ITFG1: variants seen among roughly 807,000 people sequenced by gnomAD.
ITFG1 encodes integrin alpha FG-GAP repeat containing 1.
Under a neutral mutation model 81.8 loss-of-function variants are expected in ITFG1, and 34 were observed. That is an observed-to-expected ratio of 0.42 (90% confidence interval 0.32 to 0.55). ITFG1 has a LOEUF of 0.55. Among genes scored for constraint, ITFG1 ranks in the 20% least tolerant of loss-of-function variants. The pLI is 0.17. For missense variants in ITFG1, 672 were observed against 755.4 expected, an observed-to-expected ratio of 0.89 and a Z score of 1.29; for synonymous variants, 285 against 270.6, an observed-to-expected ratio of 1.05 and a Z score of -0.52.
At chr16:47,292,447 T>C (rs896688389) in intron 10 of ITFG1, among the ~76,000 whole-genome samples, 1 of 152,224 alleles carries the variant, frequency 6.6e-6, no homozygotes, top group African/African-American at 2.4e-5. Flanking sequence ...ATTGTGCCAG[T>C]TGGGAATAGT....
At chr16:47,184,575 T>C (rs896885581) in intron 14 of ITFG1, among the ~76,000 whole-genome samples, 1 of 151,830 alleles carries the variant, frequency 6.6e-6, no homozygotes, top group Non-Finnish European at 1.5e-5. Flanking sequence ...GACAAGCAAA[T>C]GCTGAGAGAT....
intron 14 of ITFG1, among the ~76,000 whole-genome samples, chr16:47,178,312 G>C (rs1029107381): frequency 6.6e-6 from 1 of 152,134 alleles, no homozygotes; most frequent in South Asian, 2.1e-4. Context: ...TGGATTTTGT[G>C]ACAAAATTAT....
chr16:47,244,058 TCAGA>T (rs779478680), intron 12 of ITFG1, among the ~76,000 whole-genome samples: 56 of 152,280 alleles, frequency 3.7e-4, no homozygotes, highest in Non-Finnish European at 6.9e-4. Context: ...TGGATGAATC[TCAGA>T]CATAGTGTTG....
chr16:47,352,968 C>A (rs1967985544), intron 8 of ITFG1, among the ~76,000 whole-genome samples: 1 of 151,414 alleles, frequency 6.6e-6, no homozygotes, highest in Non-Finnish European at 1.5e-5. Context: ...GACAAAAAAC[C>A]AAACACCACA....
Position 47,177,714 on chromosome 16 carries a change from T to C in ITFG1, c.1454-15050A>G, listed in dbSNP as rs1172929183. Among the ~76,000 whole-genome samples the C allele has an allele frequency of 2.6e-5, 4 of 152,340 alleles. No homozygotes were observed. The East Asian group carries it at 7.7e-4, about 29-fold the overall frequency. On this transcript the variant is annotated intron_variant, in intron 14 of 17. Coordinates refer to ENST00000320640, the MANE Select transcript of ITFG1 (RefSeq NM_030790.5). ...TCTGGATAACAGAAGATCATGGTTG[T>C]TATACTAATTTCCAGTAAAATCCCA...
intron 6 of ITFG1, among the ~76,000 whole-genome samples, chr16:47,398,851 C>T (rs138231508): frequency 2.3e-4 from 35 of 152,310 alleles, no homozygotes; most frequent in African/African-American, 8.4e-4. Flanking sequence ...TTTGGGAAGG[C>T]TTATTCACCA....
intron 8 of ITFG1, among the ~76,000 whole-genome samples, chr16:47,314,529 T>A (rs1050312803): frequency 3.3e-5 from 5 of 152,168 alleles, no homozygotes; most frequent in African/African-American, 1.2e-4. Context: ...AAGTGACTGT[T>A]TTTTACAAAG....
At chr16:47,338,244 T>C (rs1182654999) in intron 8 of ITFG1, among the ~76,000 whole-genome samples, 1 of 152,228 alleles carries the variant, frequency 6.6e-6, no homozygotes, top group South Asian at 2.1e-4. Flanking sequence ...ACCCTGTCTC[T>C]AGTAAACATA....
At chr16:47,176,927 G>A (rs1965033520) in intron 14 of ITFG1, among the ~76,000 whole-genome samples, 1 of 151,196 alleles carries the variant, frequency 6.6e-6, no homozygotes, top group East Asian at 1.9e-4. Flanking sequence ...GCATTGCTAA[G>A]AGGGTTTCTC....
chr16:47,372,193 G>A (rs987620628), intron 7 of ITFG1, among the ~76,000 whole-genome samples: 13 of 152,024 alleles, frequency 8.6e-5, no homozygotes, highest in African/African-American at 2.7e-4. Context: ...CTTGAGTTCT[G>A]TTCCTACATT....
intron 14 of ITFG1, among the ~76,000 whole-genome samples, chr16:47,199,801 G>A (rs541716256): frequency 5.3e-5 from 8 of 152,244 alleles, no homozygotes; most frequent in Non-Finnish European, 1.0e-4. Flanking sequence ...ATGTAGAATC[G>A]TGGGAGCCCT....
At chr16:47,206,670 A>T (rs189386453) in intron 14 of ITFG1, among the ~76,000 whole-genome samples, 1 of 152,314 alleles carries the variant, frequency 6.6e-6, no homozygotes, top group Admixed American at 6.5e-5. Flanking sequence ...GCAGGTATTC[A>T]AGGTTCTTCC....
intron 14 of ITFG1, among the ~76,000 whole-genome samples, chr16:47,187,914 A>T (rs1965242443): frequency 2.0e-5 from 3 of 151,980 alleles, no homozygotes; most frequent in African/African-American, 7.2e-5. Context: ...ACAAATTTAC[A>T]AGAAAAAAAC....
At chr16:47,226,842 C>A (rs961897843) in intron 13 of ITFG1, among the ~76,000 whole-genome samples, 3 of 151,946 alleles carry the variant, frequency 2.0e-5, no homozygotes, top group African/African-American at 7.3e-5. Flanking sequence ...CAATGCCTCT[C>A]TTTCCCTAAT....
intron 14 of ITFG1, among the ~76,000 whole-genome samples, chr16:47,207,934 TA>T: frequency 6.6e-6 from 1 of 152,338 alleles, no homozygotes; most frequent in East Asian, 1.9e-4. Context: ...ACTGAATAAT[TA>T]CTATGTACCA....
At chr16:47,241,272 T>C (rs1474850383) in intron 12 of ITFG1, among the ~76,000 whole-genome samples, 2 of 152,180 alleles carry the variant, frequency 1.3e-5, no homozygotes, top group African/African-American at 2.4e-5. Flanking sequence ...AGTTCTCCTT[T>C]GACCCAGTAA....
upstream of ITFG1, chr16:47,461,202 C>G (rs962990169): frequency 5.1e-6 from 5 of 974,446 alleles, no homozygotes; most frequent in Non-Finnish European, 7.4e-6. Flanking sequence ...GCCCTTCCGA[C>G]GCTAAAAAAG....
intron 10 of ITFG1, among the ~76,000 whole-genome samples, chr16:47,298,809 C>T (rs1967025425): frequency 6.6e-6 from 1 of 152,192 alleles, no homozygotes; most frequent in Admixed American, 6.5e-5. Context: ...CCAGTTAGAG[C>T]AGGCTGCCAT....
At chr16:47,446,626 C>T (rs1293200764) in intron 5 of ITFG1, among the ~76,000 whole-genome samples, 2 of 152,116 alleles carry the variant, frequency 1.3e-5, no homozygotes, top group African/African-American at 4.8e-5. Flanking sequence ...GTGAAACTCA[C>T]TCAGGAGCTA....
Sources: allele counts gnomAD v4.1 joint callset (sites outside exome capture counted in the v4.1 genomes callset), GRCh38; gene constraint gnomAD v4.1.1; transcripts MANE v1.5; gene names NCBI Gene and HGNC (gene_info 2026-07-23, HGNC 2026-07-21).